Variants in NCAM2 observed in about 807,000 individuals in gnomAD.
NCAM2 encodes neural cell adhesion molecule 2.
In NCAM2, 30 loss-of-function variants were observed where a neutral mutation model predicts 98.1. The observed-to-expected ratio is 0.31, with a 90% CI of 0.23 to 0.41. The LOEUF (loss-of-function observed/expected upper bound fraction) is 0.41. Among genes scored for constraint, NCAM2 ranks in the 10% least tolerant of loss-of-function variants. The pLI is 1.00. For missense variants in NCAM2, 867 were observed against 1,005.8 expected (o/e 0.86, Z 1.87); for synonymous variants, 368 against 342.4 (o/e 1.07, Z -0.83).
intron 15 of NCAM2, among the ~76,000 whole-genome samples, chr21:21,502,205 G>T (rs532219062): frequency 1.7e-4 from 26 of 151,688 alleles, no homozygotes; most frequent in Admixed American, 2.6e-4. Flanking sequence ...ATACTTTTGG[G>T]GTATGTTTTA....
At chr21:21,121,990 G>A (rs1468421348) in intron 1 of NCAM2, among the ~76,000 whole-genome samples, 1 of 152,220 alleles carries the variant, frequency 6.6e-6, no homozygotes, top group Non-Finnish European at 1.5e-5. Context: ...AAATGTGACA[G>A]TATGAGCTTC....
intron 1 of NCAM2, among the ~76,000 whole-genome samples, chr21:21,146,582 A>T (rs2067281669): frequency 7.0e-6 from 1 of 142,340 alleles, no homozygotes; most frequent in South Asian, 2.1e-4. Flanking sequence ...TATGGATTAT[A>T]TAAAATACGT....
At chr21:21,499,818 C>T (rs1186146704) in intron 15 of NCAM2, among the ~76,000 whole-genome samples, 1 of 152,006 alleles carries the variant, frequency 6.6e-6, no homozygotes, top group Non-Finnish European at 1.5e-5. Flanking sequence ...ATTTTACCAA[C>T]AATGAAACTG....
chr21:21,137,601 A>G (rs1357523949), intron 1 of NCAM2, among the ~76,000 whole-genome samples: 1 of 152,222 alleles, frequency 6.6e-6, no homozygotes, highest in Non-Finnish European at 1.5e-5. Flanking sequence ...TCTACTAAAA[A>G]TACAAAACTA....
intron 6 of NCAM2, among the ~76,000 whole-genome samples, chr21:21,334,438 G>C (rs191446467): frequency 5.5e-4 from 83 of 152,232 alleles, no homozygotes; most frequent in African/African-American, 1.9e-3. Flanking sequence ...ACTGCTTAGT[G>C]TATCAGAGAA....
chr21:21,086,043 T>G (rs975010309), intron 1 of NCAM2, among the ~76,000 whole-genome samples: 2 of 152,224 alleles, frequency 1.3e-5, no homozygotes, highest in African/African-American at 4.8e-5. Flanking sequence ...ATATTTCACT[T>G]GCAGTATAAC....
chr21:21,440,191 G>C (rs929561028), intron 12 of NCAM2, among the ~76,000 whole-genome samples: 1 of 152,038 alleles, frequency 6.6e-6, no homozygotes, highest in African/African-American at 2.4e-5. Context: ...AAAATAATTT[G>C]ATTTTTATAT....
chr21:21,431,663 G>A (rs975355548), intron 11 of NCAM2, among the ~76,000 whole-genome samples: 7 of 151,980 alleles, frequency 4.6e-5, no homozygotes, highest in African/African-American at 7.3e-5. Context: ...TGTGGTGAAT[G>A]CAAAGAAAAT....
chr21:21,076,639 T>A lies in NCAM2; in HGVS notation c.55+78021T>A, dbSNP rs547177268. ...TAGATTTCACAATAAAGAATCTTCC[T>A]GATATTCACTAGTACATATAAGTCA... On this transcript the variant is annotated intron_variant, in intron 1 of 17. Transcript: ENST00000400546. Among the ~76,000 whole-genome samples the A allele has an allele frequency of 4.3e-4, 66 of 152,314 alleles. 1 individual carries two copies. Among genetic ancestry groups the A allele is most frequent in the African/African-American group, 1.5e-3 (62 of 41,574 alleles).
chr21:21,082,088 C>T (rs977309840), intron 1 of NCAM2, among the ~76,000 whole-genome samples: 10 of 151,344 alleles, frequency 6.6e-5, no homozygotes, highest in Middle Eastern at 3.2e-3. Flanking sequence ...ATTAGCCGGG[C>T]GTGGTGGCAG....
chr21:21,250,945 T>A (rs1435841914), intron 1 of NCAM2, among the ~76,000 whole-genome samples: 2 of 152,190 alleles, frequency 1.3e-5, no homozygotes. Context: ...TGATCATAAT[T>A]GCTTTTTGTT....
At chr21:21,200,908 G>A (rs936952310) in intron 1 of NCAM2, among the ~76,000 whole-genome samples, 16 of 151,792 alleles carry the variant, frequency 1.1e-4, no homozygotes, top group Non-Finnish European at 1.5e-4. Context: ...ACAGATTCTC[G>A]GGTGTAGTGA....
intron 5 of NCAM2, among the ~76,000 whole-genome samples, chr21:21,294,169 A>G (rs2147592696): frequency 6.6e-6 from 1 of 151,734 alleles, no homozygotes; most frequent in South Asian, 2.1e-4. Context: ...TCTTTAATAT[A>G]TTTATAGCAT....
At chr21:21,176,566 C>T (rs1205582858) in intron 1 of NCAM2, among the ~76,000 whole-genome samples, 1 of 151,804 alleles carries the variant, frequency 6.6e-6, no homozygotes, top group African/African-American at 2.4e-5. Flanking sequence ...ACATTTATTA[C>T]AATGTAACAT....
chr21:21,340,493 T>G (rs1169371395), intron 8 of NCAM2, among the ~76,000 whole-genome samples: 1 of 151,960 alleles, frequency 6.6e-6, no homozygotes, highest in East Asian at 1.9e-4. Context: ...TTTTGTTTCC[T>G]AAGGAGTATA....
At chr21:21,041,100 C>T (rs2064895636) in intron 1 of NCAM2, among the ~76,000 whole-genome samples, 1 of 151,874 alleles carries the variant, frequency 6.6e-6, no homozygotes, top group Non-Finnish European at 1.5e-5. Context: ...GACTGAAAAA[C>T]AACAACAAAA....
intron 1 of NCAM2, among the ~76,000 whole-genome samples, chr21:21,153,712 G>A (rs2067519507): frequency 6.6e-6 from 1 of 151,858 alleles, no homozygotes; most frequent in African/African-American, 2.4e-5. Context: ...GTGAATGTTT[G>A]AATATAACTT....
chr21:21,151,536 G>A (rs2067449034), intron 1 of NCAM2, among the ~76,000 whole-genome samples: 1 of 152,032 alleles, frequency 6.6e-6, no homozygotes, highest in Non-Finnish European at 1.5e-5. Flanking sequence ...ACCTATAATT[G>A]TTGATTGATT....
chr21:21,055,200 T>TATA (rs1013777932), intron 1 of NCAM2, among the ~76,000 whole-genome samples: 1 of 151,710 alleles, frequency 6.6e-6, no homozygotes, highest in Non-Finnish European at 1.5e-5. Flanking sequence ...GAACTTAAAG[T>TATA]ATAATAATAA....
Sources: gnomAD v4.1 joint callset for allele counts (sites outside exome capture counted in the v4.1 genomes callset) on GRCh38, gnomAD v4.1.1 for gene constraint, MANE v1.5 for transcripts, NCBI Gene and HGNC (gene_info 2026-07-23, HGNC 2026-07-21) for gene names.